PGPEP1: variants seen among roughly 807,000 people sequenced by gnomAD.
PGPEP1 encodes pyroglutamyl-peptidase I, also known as pyroglutamyl-peptidase 1.
In PGPEP1, 15 loss-of-function variants were observed where a neutral mutation model predicts 24.1. The observed-to-expected ratio is 0.62, with a 90% CI of 0.42 to 0.96. The LOEUF (loss-of-function observed/expected upper bound fraction) is 0.96. Ranked by LOEUF, PGPEP1 falls within the 40% of genes least tolerant of loss-of-function variation. PGPEP1 has a pLI of 0.00. For synonymous variants in PGPEP1, 122 were observed against 116.4 expected, an observed-to-expected ratio of 1.05 and a Z score of -0.31; for missense variants, 242 against 273.4, an observed-to-expected ratio of 0.89 and a Z score of 0.81.
intron 2 of PGPEP1, among the ~76,000 whole-genome samples, chr19:18,354,756 G>A (rs576305947): frequency 4.6e-5 from 7 of 152,088 alleles, no homozygotes; most frequent in African/African-American, 1.4e-4. Context: ...GGGTTCAAGC[G>A]ATCTTCCAGC....
chr19:18,355,598 T>C (rs1234308848), intron 2 of PGPEP1, among the ~76,000 whole-genome samples: 1 of 152,110 alleles, frequency 6.6e-6, no homozygotes, highest in African/African-American at 2.4e-5. Context: ...ATGAGGAAAC[T>C]GAGACTCAGA....
In PGPEP1 at chr19:18,350,809, C is replaced by T. The variant is rs1464919124; in HGVS notation, c.88-5086C>T. On this transcript the variant is annotated intron_variant, in intron 2 of 4. Transcript: ENST00000269919. ...GCACAGTGGCTCATGCCTGTCATCCCAGCACTTTGGGAGGCCGAGGTAGGA... is the reference window on the plus strand; with the variant it reads ...GCACAGTGGCTCATGCCTGTCATCCTAGCACTTTGGGAGGCCGAGGTAGGA... Among the ~76,000 whole-genome samples, 14 of 152,332 alleles carry T rather than the reference C, an allele frequency of 9.2e-5. No individual in the cohort carries two copies. In the East Asian group the frequency reaches 2.7e-3, roughly 29 times the overall value.
chr19:18,355,986 C>T lies in PGPEP1; in HGVS notation c.179C>T (p.Ala60Val), dbSNP rs757048817. 4.3e-6 allele frequency: 7 copies of T among 1,611,330 alleles called. No homozygotes were observed. Among genetic ancestry groups the T allele is most frequent in the Non-Finnish European group, 5.9e-6 (7 of 1,177,550 alleles). The change falls in exon 3 of 5, where the codon GCC (alanine) becomes GTC (valine). Residue 60 changes from alanine (A) to valine (V), a missense_variant. By Grantham distance (64) the Ala-to-Val change is moderately conservative. Coordinates refer to ENST00000269919, the MANE Select transcript of PGPEP1 (RefSeq NM_017712.4). ...EYQTVQRLIP[A>V]LWEKHSPQLV... Reference sequence around the variant, plus strand: ...CAAACAGTCCAGAGACTCATCCCCGCCCTGTGGGAGAAGCACAGTCCACAG... The same window carrying T: ...CAAACAGTCCAGAGACTCATCCCCGTCCTGTGGGAGAAGCACAGTCCACAG...
intron 2 of PGPEP1, among the ~76,000 whole-genome samples, chr19:18,351,554 G>A (rs1971022636): frequency 6.6e-6 from 1 of 151,068 alleles, no homozygotes; most frequent in Non-Finnish European, 1.5e-5. Context: ...AACCCAGGAG[G>A]TGGAGGTTGC....
rs1971424762 is a variant in PGPEP1 at position 18,363,731 on chromosome 19, T to C, written c.*148T>C. Reference sequence around the variant, plus strand: ...TTCTGATCTGCCCACCTCCTCTTCCTCCTTCTCTACAAAAGCTCCGGTTGA... The same window carrying C: ...TTCTGATCTGCCCACCTCCTCTTCCCCCTTCTCTACAAAAGCTCCGGTTGA... On this transcript the variant is annotated 3_prime_UTR_variant, in exon 5 of 5. Transcript: ENST00000269919. The C allele has an allele frequency of 1.8e-6, 1 of 560,056 alleles. No homozygotes were observed. The highest frequency in any genetic ancestry group is 3.1e-6 in the Non-Finnish European group (1 of 326,252). The allele number at this position is 560,056 out of a possible 1,614,324, so 34.7% of individuals were successfully genotyped here.
chr19:18,356,036 T>A, intron 3 of PGPEP1, 25 bp downstream of exon 3: 1 of 1,395,146 alleles, frequency 7.2e-7, no homozygotes, highest in South Asian at 1.2e-5. Context: ...GGGGCGGCAC[T>A]TCCTCATCAG....
At chr19:18,347,609 A>ACTCCATCTCTCTGTCTCTGT (rs1970889435) in intron 2 of PGPEP1, among the ~76,000 whole-genome samples, 1 of 126,702 alleles carries the variant, frequency 7.9e-6, no homozygotes, top group Non-Finnish European at 1.7e-5. Flanking sequence ...TTTCTCTCTG[A>ACTCCATCTCTCTGTCTCTGT]CTCCATCTCT....
At chr19:18,359,762 C>T (rs1336825890) in intron 4 of PGPEP1, among the ~76,000 whole-genome samples, 1 of 152,150 alleles carries the variant, frequency 6.6e-6, no homozygotes, top group African/African-American at 2.4e-5. Context: ...ATCCACCCAC[C>T]TCAGCCTCCC....
rs1971189247 is a variant in PGPEP1 at position 18,356,471 on chromosome 19, G to A, written c.204+460G>A. ...AAACCCAAAGGGCTATCCAGGCCAA[G>A]GGTAGTGGCTCATGCCTGTAATCCC... On this transcript the variant is annotated intron_variant, in intron 3 of 4. Transcript: ENST00000269919. Among the ~76,000 whole-genome samples, 4 of 151,620 alleles carry A rather than the reference G, an allele frequency of 2.6e-5. No homozygotes were observed. In the South Asian group the frequency reaches 8.3e-4, roughly 32 times the overall value.
At chr19:18,343,849 CT>C (rs758167645) in intron 2 of PGPEP1, among the ~76,000 whole-genome samples, 2 of 151,740 alleles carry the variant, frequency 1.3e-5, no homozygotes, top group South Asian at 2.1e-4. Flanking sequence ...CGCCTGGCTA[CT>C]TTTTTCTATT....
rs1971409795 is a variant in PGPEP1 at position 18,363,417 on chromosome 19, C to G, written c.464C>G (p.Thr155Ser). Residue 155 changes from threonine (T) to serine (S), a missense_variant, in exon 5 of 5, where the codon ACC (threonine) becomes AGC (serine). By Grantham distance (58) the Thr-to-Ser change is moderately conservative (BLOSUM62 1). Coordinates refer to ENST00000269919, the MANE Select transcript of PGPEP1 (RefSeq NM_017712.4). ...TATCTCTGCGACTTTACCTACTACA[C>G]CTCTTTGTACCAGAGTCACGGTCGA... ...GRYLCDFTYY[T>S]SLYQSHGRSA... 1 of 1,612,358 alleles carries G rather than the reference C, an allele frequency of 6.2e-7. No homozygotes were observed. The highest frequency in any genetic ancestry group is 1.1e-5 in the South Asian group (1 of 91,056).
Position 18,367,784 on chromosome 19 carries a change from C to G in PGPEP1, c.*4201C>G, listed in dbSNP as rs1038860090. 1 of 152,258 alleles carries G rather than the reference C, an allele frequency of 6.6e-6. No individual in the cohort carries two copies. Among genetic ancestry groups the G allele is most frequent in the Admixed American group, 6.6e-5 (1 of 15,218 alleles). The allele number at this position is 152,258 out of a possible 1,614,324, so 9.4% of individuals were successfully genotyped here. ...GGTGGGGGCCGAAATCACAGCTTCC[C>G]CATCAGAGCCAGATGTGTGAAGGAA... On this transcript the variant is annotated 3_prime_UTR_variant, in exon 5 of 5. Transcript: ENST00000269919.
chr19:18,359,409 T>C (rs1403995874), intron 4 of PGPEP1, among the ~76,000 whole-genome samples: 1 of 151,928 alleles, frequency 6.6e-6, no homozygotes, highest in Non-Finnish European at 1.5e-5. Flanking sequence ...AGCTTCCTCC[T>C]GCTCCTCAAA....
At chr19:18,363,068 T>TGTGTGTGTGTGTGTGTG (rs60619670) in intron 4 of PGPEP1, among the ~76,000 whole-genome samples, 7 of 146,702 alleles carry the variant, frequency 4.8e-5, no homozygotes, top group African/African-American at 5.0e-5. Context: ...TGTGTGTGTG[T>TGTGTGTGTGTGTGTGTG]TTTAAAGAGA....
At chr19:18,360,042 T>C (rs1469634144) in intron 4 of PGPEP1, among the ~76,000 whole-genome samples, 1 of 152,132 alleles carries the variant, frequency 6.6e-6, no homozygotes, top group Non-Finnish European at 1.5e-5. Flanking sequence ...TCTCGCTCTG[T>C]TGCATAGGCT....
Position 18,352,087 on chromosome 19 carries a change from C to A in PGPEP1, c.88-3808C>A, listed in dbSNP as rs8100332. 2.0e-5 allele frequency among the ~76,000 whole-genome samples: 3 copies of A among 151,436 alleles called. No individual in the cohort carries two copies. The Admixed American group carries it at 2.0e-4, about 10-fold the overall frequency. Reference sequence around the variant, plus strand: ...GAGATCGAGACCATCCTGGTTAACACGATGAAACCCCGTCTCTACTAAAAA... The same window carrying A: ...GAGATCGAGACCATCCTGGTTAACAAGATGAAACCCCGTCTCTACTAAAAA... On this transcript the variant is annotated intron_variant, in intron 2 of 4. Coordinates refer to ENST00000269919, the MANE Select transcript of PGPEP1 (RefSeq NM_017712.4).
At chr19:18,340,830 T>A in intron 1 of PGPEP1, 115 bp downstream of exon 1, 1 of 761,946 alleles carries the variant, frequency 1.3e-6, no homozygotes, top group South Asian at 3.3e-5. Context: ...ATTTGGAAGG[T>A]GTCATCACCC....
chr19:18,361,429 G>A (rs886588462), intron 4 of PGPEP1, among the ~76,000 whole-genome samples: 47 of 151,842 alleles, frequency 3.1e-4, no homozygotes, highest in African/African-American at 1.1e-3. Context: ...GTGAGCCACC[G>A]CGCCCGGCCA....
chr19:18,364,096 C>CTTTCTTTCTTTCTTTCTTTCTTT lies in PGPEP1; in HGVS notation c.*531_*532insTCTTTTTTCTTTCTTTCTTTCTT. ...GCTGGCTGGCTGGCTTTCTTTCTTT[C>CTTTCTTTCTTTCTTTCTTTCTTT]TTTCTTTCTTTCTTTCTTGCTTTCT... On this transcript the variant is annotated 3_prime_UTR_variant, in exon 5 of 5. Transcript: ENST00000269919. The CTTTCTTTCTTTCTTTCTTTCTTT allele has an allele frequency of 7.2e-6, 1 of 138,196 alleles. No homozygotes were observed. Among genetic ancestry groups the CTTTCTTTCTTTCTTTCTTTCTTT allele is most frequent in the South Asian group, 2.4e-4 (1 of 4,196 alleles). The allele number at this position is 138,196 out of a possible 1,614,324, so 8.6% of individuals were successfully genotyped here. A position where few individuals can be genotyped will look rare whatever the true frequency, so the allele number is the denominator to read the frequency against.
Sources: gnomAD v4.1 joint callset for allele counts (sites outside exome capture counted in the v4.1 genomes callset) on GRCh38, gnomAD v4.1.1 for gene constraint, MANE v1.5 for transcripts, NCBI Gene and HGNC (gene_info 2026-07-23, HGNC 2026-07-21) for gene names.